The following CCDC88C variants were observed in gnomAD, a reference collection of about 807,000 sequenced individuals.
The protein encoded by CCDC88C is coiled-coil and HOOK domain protein 88C, also known as protein Daple.
CCDC88C carries 131 observed loss-of-function variants against 198.8 expected under a neutral mutation model. The observed-to-expected ratio is 0.66, with a 90% CI of 0.57 to 0.76. The LOEUF (loss-of-function observed/expected upper bound fraction) is 0.76. Among genes scored for constraint, CCDC88C ranks in the 30% least tolerant of loss-of-function variants. CCDC88C has a pLI of 0.00. For missense variants in CCDC88C, 2,553 were observed against 2,631.6 expected (o/e 0.97, Z 0.65); for synonymous variants, 1,166 against 1,114.7 (o/e 1.05, Z -0.92).
chr14:91,319,510 C>T (rs926557684), intron 13 of CCDC88C, among the ~76,000 whole-genome samples: 4 of 152,236 alleles, frequency 2.6e-5, no homozygotes, highest in Admixed American at 2.6e-4. Flanking sequence ...CCGTCAGTGG[C>T]CTCACACATA....
intron 4 of CCDC88C, among the ~76,000 whole-genome samples, chr14:91,355,273 T>G (rs1596106117): frequency 1.3e-5 from 2 of 151,596 alleles, no homozygotes; most frequent in South Asian, 2.1e-4. Flanking sequence ...CAGACACGGG[T>G]AAGAGGGAAG....
At chr14:91,357,967 G>A (rs894127490) in intron 4 of CCDC88C, among the ~76,000 whole-genome samples, 1 of 152,230 alleles carries the variant, frequency 6.6e-6, no homozygotes, top group Admixed American at 6.5e-5. Flanking sequence ...GGAGGACCAG[G>A]GGTGGCCTCT....
intron 29 of CCDC88C, among the ~76,000 whole-genome samples, chr14:91,275,512 G>A (rs1175837422): frequency 6.7e-6 from 1 of 149,412 alleles, no homozygotes; most frequent in East Asian, 2.0e-4. Flanking sequence ...GAGTCTCACT[G>A]TGTTGCCCAG....
chr14:91,374,498 C>T (rs1220725847), intron 3 of CCDC88C, among the ~76,000 whole-genome samples: 1 of 152,140 alleles, frequency 6.6e-6, no homozygotes, highest in Non-Finnish European at 1.5e-5. Flanking sequence ...GACAGGTGGT[C>T]AAAGAGGGCC....
intron 13 of CCDC88C, chr14:91,316,006 C>T (rs1257625646): frequency 5.7e-6 from 3 of 528,020 alleles, no homozygotes; most frequent in Non-Finnish European, 6.7e-6. Flanking sequence ...CCCCAGCGTC[C>T]CTCTGCCCCA....
chr14:91,362,316 C>A lies in CCDC88C; in HGVS notation c.271-2605G>T, dbSNP rs575336591. On this transcript the variant is annotated intron_variant, in intron 3 of 29. Transcript: ENST00000389857. ...CAAAGGTCATCACCAGCAAACCAGC[C>A]ACAATCCCCTTTCCAACTCTTGGCT... Among the ~76,000 whole-genome samples, 44 of 152,242 alleles carry A rather than the reference C, an allele frequency of 2.9e-4. No individual in the cohort carries two copies. In the South Asian group the frequency reaches 8.7e-3, roughly 30 times the overall value.
chr14:91,309,996 T>C lies in CCDC88C; in HGVS notation c.2737-10A>G. ...TCTCGAGCACCAGGTCCTGGAATGA[T>C]GGGGAGAGAGCACTGGATAGGAGCT... On this transcript the variant is annotated splice_polypyrimidine_tract_variant and intron_variant, in intron 15 of 29. Coordinates refer to ENST00000389857, the MANE Select transcript of CCDC88C (RefSeq NM_001080414.4). 6.3e-7 allele frequency: 1 copy of C among 1,586,984 alleles called. No individual in the cohort carries two copies. The highest frequency in any genetic ancestry group is 8.6e-7 in the Non-Finnish European group (1 of 1,166,490).
At chr14:91,328,947 T>C (rs1892691633) in intron 10 of CCDC88C, among the ~76,000 whole-genome samples, 1 of 152,180 alleles carries the variant, frequency 6.6e-6, no homozygotes, top group African/African-American at 2.4e-5. Context: ...ACAGGCAGTC[T>C]TCCGCCAGGG....
intron 3 of CCDC88C, among the ~76,000 whole-genome samples, chr14:91,377,260 G>T (rs1884490031): frequency 6.6e-6 from 1 of 152,198 alleles, no homozygotes; most frequent in African/African-American, 2.4e-5. Context: ...TTCCTGTGTG[G>T]CAGGCTGAGA....
Position 91,283,453 on chromosome 14 carries a change from G to A in CCDC88C, c.4506C>T (p.Ala1502=). ...AGGACCTCATGGCCAGATCGGTGGA[G>A]GCATCTGTGCGGTCAAGGCTGCCTC... ...PHRGSLDRTD[A]STDLAMRSWP... The change falls in exon 26 of 30, where the codon GCC becomes GCT. Residue 1502 remains alanine (A), a synonymous_variant. Coordinates refer to ENST00000389857, the MANE Select transcript of CCDC88C (RefSeq NM_001080414.4). The A allele has an allele frequency of 6.2e-7, 1 of 1,613,402 alleles. No individual in the cohort carries two copies. Among genetic ancestry groups the A allele is most frequent in the Non-Finnish European group, 8.5e-7 (1 of 1,179,708 alleles).
intron 1 of CCDC88C, 179 bp downstream of exon 1, chr14:91,417,452 G>C (rs1011203193): frequency 6.9e-6 from 4 of 580,968 alleles, no homozygotes; most frequent in Non-Finnish European, 9.0e-6. Context: ...GCCGGCTCCA[G>C]AGTTACAAAG....
intron 3 of CCDC88C, among the ~76,000 whole-genome samples, chr14:91,387,949 G>C (rs1287777968): frequency 6.6e-6 from 1 of 152,166 alleles, no homozygotes; most frequent in African/African-American, 2.4e-5. Context: ...AGCCCACTTG[G>C]GCCAGTTAAA....
chr14:91,289,282 A>G lies in CCDC88C; in HGVS notation c.4264T>C (p.Ser1422Pro), dbSNP rs1335542129. 3 of 1,613,856 alleles carry G rather than the reference A, an allele frequency of 1.9e-6. No homozygotes were observed. Among genetic ancestry groups the G allele is most frequent in the Non-Finnish European group, 2.5e-6 (3 of 1,179,892 alleles). Residue 1422 changes from serine (S) to proline (P), a missense_variant, in exon 25 of 30, where the codon TCG becomes CCG. By Grantham distance (74) the Ser-to-Pro change is moderately conservative. Coordinates refer to ENST00000389857, the MANE Select transcript of CCDC88C (RefSeq NM_001080414.4). ...ACGGTGGATTTTAAGCGTTCCCTCG[A>G]ACCCTCTTTCTTTGGTTTGATGAGT... ...VKLIKPKKEG[S>P]RERLKSTVDS...
intron 10 of CCDC88C, among the ~76,000 whole-genome samples, chr14:91,336,584 G>T (rs550260898): frequency 3.9e-5 from 6 of 152,060 alleles, no homozygotes; most frequent in Non-Finnish European, 5.9e-5. Context: ...CCAGAGATTC[G>T]TGCCTCTCAT....
rs1567055597 is a variant in CCDC88C, at chr14:91,293,508, GCCTACCTTCCTGTCCC to G, written c.4112+649_4112+664del. On this transcript the variant is annotated intron_variant, in intron 23 of 29. Coordinates refer to ENST00000389857, the MANE Select transcript of CCDC88C (RefSeq NM_001080414.4). Reference sequence around the variant, plus strand: ...CACCTTCCCATCCTCACCTGCCACGGCCTACCTTCCTGTCCCCTCACCTGCCACGGCCCACCTTCCT... The same window carrying G: ...CACCTTCCCATCCTCACCTGCCACGGCTCACCTGCCACGGCCCACCTTCCT... 5.1e-3 allele frequency among the ~76,000 whole-genome samples: 634 copies of G among 123,356 alleles called. 154 individuals are homozygous for G. Among genetic ancestry groups the G allele is most frequent in the Admixed American group, 9.0e-3 (106 of 11,840 alleles). 80.9% of individuals were successfully genotyped at this position (123,356 alleles called of 152,430 possible). A position where few individuals can be genotyped will look rare whatever the true frequency, so the allele number is the denominator to read the frequency against.
intron 10 of CCDC88C, among the ~76,000 whole-genome samples, chr14:91,332,456 C>T (rs1646035442): frequency 6.6e-6 from 1 of 152,238 alleles, no homozygotes; most frequent in Non-Finnish European, 1.5e-5. Context: ...GAAAACAAAC[C>T]ATGTACATTT....
chr14:91,407,410 A>G (rs769849974), intron 3 of CCDC88C, among the ~76,000 whole-genome samples: 6 of 152,160 alleles, frequency 3.9e-5, no homozygotes, highest in Non-Finnish European at 5.9e-5. Flanking sequence ...AACCAAGACT[A>G]AGTTACAGCC....
intron 10 of CCDC88C, among the ~76,000 whole-genome samples, chr14:91,331,387 AGAGGAGGGTG>A (rs1435895989): frequency 2.0e-5 from 3 of 152,172 alleles, no homozygotes; most frequent in Non-Finnish European, 2.9e-5. Flanking sequence ...GCCTGGGGCC[AGAGGAGGGTG>A]GAGGAGGGCA....
intron 4 of CCDC88C, among the ~76,000 whole-genome samples, chr14:91,355,239 G>T (rs1208492042): frequency 6.6e-6 from 1 of 152,132 alleles, no homozygotes; most frequent in Non-Finnish European, 1.5e-5. Context: ...ACTGAGGGTA[G>T]ACCCGGGACA....
Sources: allele counts gnomAD v4.1 joint callset (sites outside exome capture counted in the v4.1 genomes callset), GRCh38; gene constraint gnomAD v4.1.1; transcripts MANE v1.5; gene names NCBI Gene and HGNC (gene_info 2026-07-23, HGNC 2026-07-21).